SGCD: variants seen among roughly 807,000 people sequenced by gnomAD.
SGCD encodes sarcoglycan delta.
SGCD carries 18 observed loss-of-function variants against 36.6 expected under a neutral mutation model. The observed-to-expected ratio is 0.49, with a 90% CI of 0.34 to 0.73. The LOEUF (loss-of-function observed/expected upper bound fraction) is 0.73. SGCD is among the 30% of genes least tolerant of loss of function. SGCD has a pLI of 0.01. For synonymous variants in SGCD, 133 were observed against 130.6 expected (o/e 1.02, Z -0.12); for missense variants, 387 against 346.7 (o/e 1.12, Z -0.92).
At chr5:156,224,841 T>C (rs1764809404) in intron 3 of SGCD, among the ~76,000 whole-genome samples, 1 of 152,172 alleles carries the variant, frequency 6.6e-6, no homozygotes. Flanking sequence ...ATAGCCTTTC[T>C]TTCAAAATAT....
intron 1 of SGCD, among the ~76,000 whole-genome samples, chr5:155,905,631 C>G (rs970404066): frequency 6.6e-6 from 1 of 152,114 alleles, no homozygotes; most frequent in Non-Finnish European, 1.5e-5. Context: ...AGCCAAGTCT[C>G]AGCTTGAATT....
At chr5:156,571,766 T>C (rs1010015527) in intron 4 of SGCD, among the ~76,000 whole-genome samples, 3 of 152,210 alleles carry the variant, frequency 2.0e-5, no homozygotes, top group African/African-American at 7.2e-5. Context: ...AAAATACACA[T>C]GATATAAAAT....
At chr5:156,146,149 C>T (rs1481640757) in intron 3 of SGCD, among the ~76,000 whole-genome samples, 4 of 152,030 alleles carry the variant, frequency 2.6e-5, no homozygotes, top group Non-Finnish European at 5.9e-5. Flanking sequence ...GGAGGTGGAG[C>T]TTGCAGTGAG....
Position 156,199,536 on chromosome 5 carries a change from A to T in SGCD, c.-44+75517A>T, listed in dbSNP as rs552856919. Among the ~76,000 whole-genome samples the T allele has an allele frequency of 7.9e-5, 12 of 152,228 alleles. No homozygotes were observed. In the South Asian group the frequency reaches 2.3e-3, roughly 29 times the overall value. On this transcript the variant is annotated intron_variant, in intron 3 of 9. Transcript: ENST00000517913. ...AATGGTAGTAGAAGCAGTACAGAAG[A>T]AGGAAAAAGGGACACTGAGATAGGC...
the SGCD span, among the ~76,000 whole-genome samples, chr5:155,736,475 A>T: frequency 6.6e-6 from 1 of 152,032 alleles, no homozygotes; most frequent in South Asian, 2.1e-4. Flanking sequence ...ACCATAACAA[A>T]TTGCTCCCTT....
At chr5:156,049,432 C>G (rs529702573) in intron 1 of SGCD, among the ~76,000 whole-genome samples, 2 of 145,806 alleles carry the variant, frequency 1.4e-5, no homozygotes, top group East Asian at 3.9e-4. Context: ...GCCATTTTCA[C>G]CATATTGATT....
intron 2 of SGCD, among the ~76,000 whole-genome samples, chr5:156,343,276 T>C (rs796424661): frequency 6.6e-6 from 1 of 152,156 alleles, no homozygotes; most frequent in South Asian, 2.1e-4. Flanking sequence ...GTCTTATTTG[T>C]AGGGAATGCA....
intron 3 of SGCD, among the ~76,000 whole-genome samples, chr5:156,174,043 A>G (rs1763407001): frequency 6.6e-6 from 1 of 152,182 alleles, no homozygotes; most frequent in East Asian, 1.9e-4. Flanking sequence ...AAGTATACAG[A>G]TCTATATTCT....
chr5:156,446,544 A>T (rs578221429), intron 3 of SGCD, among the ~76,000 whole-genome samples: 1 of 152,110 alleles, frequency 6.6e-6, no homozygotes, highest in East Asian at 1.9e-4. Flanking sequence ...CTGGTTTTAC[A>T]ATGTGTTTTG....
intron 3 of SGCD, among the ~76,000 whole-genome samples, chr5:156,234,634 A>G (rs1266976382): frequency 2.6e-5 from 4 of 152,080 alleles, no homozygotes; most frequent in Non-Finnish European, 5.9e-5. Context: ...AAATCACAGC[A>G]CTCGATTCTA....
chr5:156,267,130 A>T (rs1766021285), intron 3 of SGCD, among the ~76,000 whole-genome samples: 1 of 152,180 alleles, frequency 6.6e-6, no homozygotes, highest in Non-Finnish European at 1.5e-5. Context: ...GGGGTATCAA[A>T]TGTCACTTAT....
In SGCD at chr5:156,033,565, G is replaced by T. The variant is rs191912105; in HGVS notation, c.-281-84313G>T. Among the ~76,000 whole-genome samples the T allele has an allele frequency of 5.6e-4, 86 of 152,296 alleles. 1 individual carries two copies. Among genetic ancestry groups the T allele is most frequent in the African/African-American group, 2.0e-3 (83 of 41,568 alleles). On this transcript the variant is annotated intron_variant, in intron 1 of 9. Coordinates refer to the SGCD transcript ENST00000517913. ...TCCATGGATGAATTCTTAACCTGAA[G>T]TGTAGACCTTGAATTTGAATTTGTT...
chr5:156,375,578 C>A (rs1346422160), intron 3 of SGCD, among the ~76,000 whole-genome samples: 1 of 151,838 alleles, frequency 6.6e-6, no homozygotes, highest in Non-Finnish European at 1.5e-5. Flanking sequence ...CAAAGTGTGC[C>A]CCATTAAATG....
rs142881795 is a variant in SGCD, at chr5:156,286,561, A to T, written c.-43-42973A>T. Among the ~76,000 whole-genome samples the T allele has an allele frequency of 1.9e-3, 296 of 152,334 alleles. 1 individual carries two copies. The highest frequency in any genetic ancestry group is 6.6e-3 in the African/African-American group (275 of 41,574). ...AAACTGGAAACCATCATTCTCAGCA[A>T]ACTATTGCAAGGACAATAAACCAAA... On this transcript the variant is annotated intron_variant, in intron 3 of 9. Transcript: ENST00000517913.
At chr5:156,524,287 TTA>T (rs5872468) in intron 4 of SGCD, among the ~76,000 whole-genome samples, 5,375 of 130,052 alleles carry the variant, frequency 0.041, 327 homozygotes, top group African/African-American at 0.14. Context: ...ATATATATAG[TTA>T]TATATATATA....
chr5:156,393,491 T>C (rs1212528223), intron 3 of SGCD, among the ~76,000 whole-genome samples: 1 of 152,260 alleles, frequency 6.6e-6, no homozygotes, highest in Non-Finnish European at 1.5e-5. Flanking sequence ...CTTCCTACAT[T>C]TATGGCTGTT....
chr5:155,770,979 T>C, the SGCD span, among the ~76,000 whole-genome samples: 12 of 152,122 alleles, frequency 7.9e-5, no homozygotes, highest in Non-Finnish European at 1.3e-4. Context: ...CACTGAGAGG[T>C]TTTAATTTTT....
intron 3 of SGCD, among the ~76,000 whole-genome samples, chr5:156,487,813 A>AAAAAAAAAAGAAAAAG (rs1554107842): frequency 1.0e-4 from 8 of 77,814 alleles, no homozygotes; most frequent in Non-Finnish European, 1.5e-4. Context: ...AAAAAAAAAA[A>AAAAAAAAAAGAAAAAG]AAAGAAAGAA....
At chr5:156,406,862 T>A (rs1157461630) in intron 3 of SGCD, among the ~76,000 whole-genome samples, 1 of 138,900 alleles carries the variant, frequency 7.2e-6, no homozygotes, top group Admixed American at 7.2e-5. Flanking sequence ...GTATATATAT[T>A]AGTTTATTAA....
Sources: allele counts gnomAD v4.1 joint callset (sites outside exome capture counted in the v4.1 genomes callset), GRCh38; gene constraint gnomAD v4.1.1; transcripts MANE v1.5; gene names NCBI Gene and HGNC (gene_info 2026-07-23, HGNC 2026-07-21).